The following CASZ1 variants were observed in gnomAD, a reference collection of about 807,000 sequenced individuals.
CASZ1 encodes castor zinc finger 1.
A neutral mutation model predicts 135.2 loss-of-function variants in CASZ1; 28 were observed. That is an observed-to-expected ratio of 0.21 (90% CI 0.15 to 0.28). The LOEUF is 0.28. Among genes scored for constraint, CASZ1 ranks in the 10% least tolerant of loss-of-function variants. CASZ1 has a pLI of 1.00. For missense variants in CASZ1, 2,161 were observed against 2,453.3 expected, an observed-to-expected ratio of 0.88 and a Z score of 2.52; for synonymous variants, 1,068 against 1,073.4, an observed-to-expected ratio of 0.99 and a Z score of 0.10.
In CASZ1 at chr1:10,649,084, G is replaced by A. The variant is rs754875291; in HGVS notation, c.3144C>T (p.Ala1048=). The change falls in exon 15 of 21, where the codon GCC becomes GCT. Residue 1048 remains alanine (A), a synonymous_variant. Coordinates refer to ENST00000377022, the MANE Select transcript of CASZ1 (RefSeq NM_001079843.3). ...CGALFSTLDG[A]IKHANFHFRT... is the part of the protein sequence containing the mutation. ...ACCCTACTCACTTTGCGTGCTTGAT[G>A]GCCCCGTCCAAGGTGCTGAAGAGCG... The A allele has an allele frequency of 6.2e-7, 1 of 1,613,254 alleles. No homozygotes were observed. Among genetic ancestry groups the A allele is most frequent in the Non-Finnish European group, 8.5e-7 (1 of 1,179,980 alleles).
intron 15 of CASZ1, chr1:10,648,362 T>A: frequency 6.3e-6 from 3 of 478,808 alleles, no homozygotes; most frequent in South Asian, 8.4e-5. Flanking sequence ...GGCCTAACCA[T>A]GCCTTCCTAC....
rs1232219808 is a variant in CASZ1 at position 10,666,904 on chromosome 1, A to G, written c.17-1333T>C. On this transcript the variant is annotated intron_variant, in intron 4 of 20. Transcript: ENST00000377022. The surrounding 1 kb of genome is among the most constrained non-coding windows in gnomAD (Gnocchi z 5.2). ...AGACCCTGTGGTGGGGCTTGGGGAC[A>G]GCGCAGTGGCCACAGCAGCAGGGGC... is the stretch of plus-strand genomic sequence containing the variant. 2.0e-5 allele frequency among the ~76,000 whole-genome samples: 3 copies of G among 152,246 alleles called. No homozygotes were observed. Among genetic ancestry groups the G allele is most frequent in the African/African-American group, 7.2e-5 (3 of 41,456 alleles).
chr1:10,702,547 C>G (rs924432053), intron 3 of CASZ1, among the ~76,000 whole-genome samples: 1 of 152,320 alleles, frequency 6.6e-6, no homozygotes, highest in Middle Eastern at 3.4e-3. Context: ...GGGCAGAAGG[C>G]CAAGCCAAGA....
intron 2 of CASZ1, among the ~76,000 whole-genome samples, chr1:10,748,899 G>A (rs573193617): frequency 4.6e-5 from 7 of 152,316 alleles, no homozygotes; most frequent in African/African-American, 1.7e-4. Flanking sequence ...ACCTCCTGAG[G>A]CAGCCCTAAC....
In CASZ1 at chr1:10,701,333, C is replaced by T. The variant is rs1463922542; in HGVS notation, c.-24+4159G>A. Among the ~76,000 whole-genome samples, 4 of 152,202 alleles carry T rather than the reference C, an allele frequency of 2.6e-5. No homozygotes were observed. The highest frequency in any genetic ancestry group is 4.4e-5 in the Non-Finnish European group (3 of 68,034). On this transcript the variant is annotated intron_variant, in intron 3 of 20. Transcript: ENST00000377022. This position sits in a 1 kb window ranked among gnomAD's most constrained non-coding sequence, Gnocchi z 6.3. ...CTCATATTCTCCATGTGCAGCAGAC[C>T]GTGAATTCACCTTCATACTAGTTAC...
At chr1:10,640,570 C>G (rs1352154077) in intron 20 of CASZ1, among the ~76,000 whole-genome samples, 1 of 152,212 alleles carries the variant, frequency 6.6e-6, no homozygotes, top group Non-Finnish European at 1.5e-5. Context: ...AGTAGGGGTG[C>G]CAAGTGCCCC....
At chr1:10,708,292 G>T (rs1639216403) in intron 2 of CASZ1, among the ~76,000 whole-genome samples, 1 of 152,192 alleles carries the variant, frequency 6.6e-6, no homozygotes, top group Admixed American at 6.5e-5. Flanking sequence ...GCATCAGGCT[G>T]CCCATCCCAC....
intron 1 of CASZ1, among the ~76,000 whole-genome samples, chr1:10,789,013 C>G (rs1167868109): frequency 6.6e-6 from 1 of 152,168 alleles, no homozygotes; most frequent in Non-Finnish European, 1.5e-5. Flanking sequence ...CCCAAGGGGA[C>G]AGTAAGGGGG....
chr1:10,694,374 G>T lies in CASZ1; in HGVS notation c.-23-462C>A. On this transcript the variant is annotated intron_variant, in intron 3 of 20. Transcript: ENST00000377022. The surrounding 1 kb of genome is among the most constrained non-coding windows in gnomAD (Gnocchi z 6.6). ...ACTTAATTAATGCCTAATTGCAACTGATTACTCCCCGAATAACAAGTTGTT... is the reference window on the plus strand; with the variant it reads ...ACTTAATTAATGCCTAATTGCAACTTATTACTCCCCGAATAACAAGTTGTT... 1 of 1,069,416 alleles carries T rather than the reference G, an allele frequency of 9.4e-7. No individual in the cohort carries two copies. Among genetic ancestry groups the T allele is most frequent in the Non-Finnish European group, 1.2e-6 (1 of 846,018 alleles). The allele number at this position is 1,069,416 out of a possible 1,614,324, so 66.2% of individuals were successfully genotyped here. A position where few individuals can be genotyped will look rare whatever the true frequency, so the allele number is the denominator to read the frequency against.
intron 4 of CASZ1, among the ~76,000 whole-genome samples, chr1:10,678,800 A>G (rs1638321324): frequency 6.6e-6 from 1 of 151,848 alleles, no homozygotes; most frequent in Admixed American, 6.6e-5. Context: ...ATCCAATCCA[A>G]TAAAAAATCC....
At chr1:10,695,130 C>T (rs1638900771) in intron 3 of CASZ1, among the ~76,000 whole-genome samples, 1 of 151,314 alleles carries the variant, frequency 6.6e-6, no homozygotes. Flanking sequence ...TCGTGTTCCC[C>T]TCACAGCACT....
chr1:10,732,353 A>G (rs1421386691), intron 2 of CASZ1, among the ~76,000 whole-genome samples: 1 of 151,418 alleles, frequency 6.6e-6, no homozygotes, highest in East Asian at 1.9e-4. Context: ...ATATATATAT[A>G]TATTCCACAC....
chr1:10,651,705 A>G (rs1406619060), intron 11 of CASZ1: 1 of 152,386 alleles, frequency 6.6e-6, no homozygotes, highest in Non-Finnish European at 1.5e-5. Context: ...GGGTAAAAGA[A>G]GTTGCTGACA....
At chr1:10,740,147 A>G (rs562794296) in intron 2 of CASZ1, among the ~76,000 whole-genome samples, 1 of 152,320 alleles carries the variant, frequency 6.6e-6, no homozygotes, top group East Asian at 1.9e-4. Flanking sequence ...CGAGTTACCG[A>G]TTCTATGTCA....
In CASZ1 at chr1:10,776,662, T is replaced by C. The variant is rs1640666153; in HGVS notation, c.-233-15805A>G. Among the ~76,000 whole-genome samples, 1 of 152,166 alleles carries C rather than the reference T, an allele frequency of 6.6e-6. No individual in the cohort carries two copies. Among genetic ancestry groups the C allele is most frequent in the South Asian group, 2.1e-4 (1 of 4,830 alleles). On this transcript the variant is annotated intron_variant, in intron 1 of 20. Coordinates refer to ENST00000377022, the MANE Select transcript of CASZ1 (RefSeq NM_001079843.3). The surrounding 1 kb of genome is among the most constrained non-coding windows in gnomAD (Gnocchi z 4.1). ...GAGCTCCTGGGAGTCCTGGGGAAACTGGCATCTCTGGTTTGACAGGTTGTG... is the reference window on the plus strand; with the variant it reads ...GAGCTCCTGGGAGTCCTGGGGAAACCGGCATCTCTGGTTTGACAGGTTGTG...
intron 1 of CASZ1, among the ~76,000 whole-genome samples, chr1:10,787,981 T>C (rs1305830561): frequency 1.3e-5 from 2 of 152,132 alleles, no homozygotes; most frequent in Non-Finnish European, 2.9e-5. Flanking sequence ...CCAACCTGAA[T>C]TGTGCTATTC....
chr1:10,752,994 G>A (rs887586162), intron 2 of CASZ1, among the ~76,000 whole-genome samples: 1 of 152,168 alleles, frequency 6.6e-6, no homozygotes, highest in Admixed American at 6.5e-5. Flanking sequence ...CCGAGATTGT[G>A]CCATTGCACT....
At position 10,647,610 on chromosome 1, in the gene CASZ1, C is replaced by G; in HGVS notation, c.3497+191G>C. 1 of 1,446,782 alleles carries G rather than the reference C, an allele frequency of 6.9e-7. No individual in the cohort carries two copies. Among genetic ancestry groups the G allele is most frequent in the Non-Finnish European group, 9.1e-7 (1 of 1,103,112 alleles). The allele number at this position is 1,446,782 out of a possible 1,614,324, so 89.6% of individuals were successfully genotyped here. A position where few individuals can be genotyped will look rare whatever the true frequency, so the allele number is the denominator to read the frequency against. On this transcript the variant is annotated intron_variant, in intron 16 of 20. Coordinates refer to ENST00000377022, the MANE Select transcript of CASZ1 (RefSeq NM_001079843.3). This position sits in a 1 kb window ranked among gnomAD's most constrained non-coding sequence, Gnocchi z 4.9. ...ATCGGCCCACGCGGGCTGGCCTGCTCTGGGACAGGCAGTGAGGTAGGAGCA... is the reference window on the plus strand; with the variant it reads ...ATCGGCCCACGCGGGCTGGCCTGCTGTGGGACAGGCAGTGAGGTAGGAGCA...
chr1:10,792,028 T>A (rs1206667806), intron 1 of CASZ1, among the ~76,000 whole-genome samples: 1 of 151,760 alleles, frequency 6.6e-6, no homozygotes, highest in Non-Finnish European at 1.5e-5. Context: ...ATCAAACAAA[T>A]TTTAAAAATA....
Sources: allele counts gnomAD v4.1 joint callset (sites outside exome capture counted in the v4.1 genomes callset), GRCh38; gene constraint gnomAD v4.1.1; non-coding constraint Gnocchi (gnomAD v3.1); transcripts MANE v1.5; gene names NCBI Gene and HGNC (gene_info 2026-07-23, HGNC 2026-07-21).